Variants in PDGFRL observed in about 807,000 individuals in gnomAD.
PDGFRL encodes platelet derived growth factor receptor like.
PDGFRL carries 46 observed loss-of-function variants against 37.2 expected under a neutral mutation model. The ratio of observed to expected loss-of-function variants is 1.24; its 90% CI spans 0.98 to 1.58. The LOEUF is 1.58. Among genes scored for constraint, PDGFRL ranks in the 40% most tolerant of loss-of-function variants. The pLI is 0.00. For missense variants in PDGFRL, 692 were observed against 467.6 expected, an observed-to-expected ratio of 1.48 and a Z score of -4.43; for synonymous variants, 251 against 184.3, an observed-to-expected ratio of 1.36 and a Z score of -2.93.
chr8:17,597,604 T>A (rs773083977), intron 2 of PDGFRL, among the ~76,000 whole-genome samples: 9 of 152,172 alleles, frequency 5.9e-5, no homozygotes, highest in Non-Finnish European at 1.0e-4. Flanking sequence ...AATACTTCAA[T>A]GAATTGATGT....
intron 2 of PDGFRL, among the ~76,000 whole-genome samples, chr8:17,591,153 A>G (rs986412169): frequency 7.9e-5 from 12 of 152,144 alleles, no homozygotes; most frequent in African/African-American, 2.7e-4. Context: ...AAGTGCTGGG[A>G]TTACAGGCGT....
At chr8:17,626,539 T>A (rs879917528) in intron 3 of PDGFRL, among the ~76,000 whole-genome samples, 1 of 152,026 alleles carries the variant, frequency 6.6e-6, no homozygotes, top group Non-Finnish European at 1.5e-5. Context: ...TAAAACACCA[T>A]CTAACTGTGA....
chr8:17,588,901 C>T (rs950338727), intron 1 of PDGFRL, among the ~76,000 whole-genome samples: 1 of 152,056 alleles, frequency 6.6e-6, no homozygotes, highest in African/African-American at 2.4e-5. Context: ...TTTTTGTTTT[C>T]TAAGGGCAAA....
intron 2 of PDGFRL, among the ~76,000 whole-genome samples, chr8:17,617,463 G>T (rs773963036): frequency 6.6e-6 from 1 of 152,164 alleles, no homozygotes; most frequent in Non-Finnish European, 1.5e-5. Flanking sequence ...CACTGGCTCT[G>T]AAGGGCTCAG....
intron 2 of PDGFRL, among the ~76,000 whole-genome samples, chr8:17,620,818 A>T (rs545596255): frequency 6.6e-6 from 1 of 151,862 alleles, no homozygotes; most frequent in South Asian, 2.1e-4. Context: ...TTAAAAGGTA[A>T]AAATGTCATT....
chr8:17,622,614 G>C (rs567152949), intron 3 of PDGFRL, among the ~76,000 whole-genome samples: 2 of 152,274 alleles, frequency 1.3e-5, no homozygotes, highest in African/African-American at 4.8e-5. Flanking sequence ...TTACTCCTTA[G>C]TTCAGAGATC....
chr8:17,618,879 T>A (rs542475618), intron 2 of PDGFRL, among the ~76,000 whole-genome samples: 21 of 150,604 alleles, frequency 1.4e-4, no homozygotes, highest in African/African-American at 4.4e-4. Flanking sequence ...AAGTCAATTA[T>A]GTCAGGCAAA....
chr8:17,627,985 C>CTTT lies in PDGFRL; in HGVS notation c.506-501_506-499dup, dbSNP rs1236164534. Among the ~76,000 whole-genome samples, 252 of 123,948 alleles carry CTTT rather than the reference C, an allele frequency of 2.0e-3. 8 individuals are homozygous for CTTT. Among genetic ancestry groups the CTTT allele is most frequent in the African/African-American group, 4.2e-3 (125 of 29,486 alleles). 81.3% of individuals were successfully genotyped at this position (123,948 alleles called of 152,430 possible). The stretch of plus-strand genomic sequence containing the variant: ...TACTGATACCTTTTCTGTTTTCTTT[C>CTTT]TTTCTTTTTTTTTTTTTTTTTTTTT... On this transcript the variant is annotated intron_variant, in intron 3 of 5. Coordinates refer to ENST00000251630, the MANE Select transcript of PDGFRL (RefSeq NM_001372073.1).
At chr8:17,615,820 G>T (rs1194202715) in intron 2 of PDGFRL, among the ~76,000 whole-genome samples, 2 of 152,148 alleles carry the variant, frequency 1.3e-5, no homozygotes, top group Non-Finnish European at 2.9e-5. Flanking sequence ...AAGGTGGGAG[G>T]ATCCCTTAAG....
chr8:17,628,991 C>T (rs868840775), intron 4 of PDGFRL, among the ~76,000 whole-genome samples: 24 of 151,890 alleles, frequency 1.6e-4, no homozygotes, highest in African/African-American at 3.4e-4. Flanking sequence ...ACCATTTTCT[C>T]ACTGCAGCAT....
intron 2 of PDGFRL, among the ~76,000 whole-genome samples, chr8:17,619,033 G>A (rs540733233): frequency 2.0e-5 from 3 of 152,238 alleles, no homozygotes; most frequent in African/African-American, 4.8e-5. Context: ...AAGCTATTCC[G>A]CAGTGAACCA....
intron 4 of PDGFRL, among the ~76,000 whole-genome samples, chr8:17,632,521 G>A (rs1370906229): frequency 2.0e-5 from 3 of 152,110 alleles, no homozygotes; most frequent in East Asian, 1.9e-4. Flanking sequence ...ACTTTTAGTA[G>A]AGATGGGGTT....
At chr8:17,628,339 A>C in intron 3 of PDGFRL, 148 bp from the exon 4 acceptor site, 1 of 636,378 alleles carries the variant, frequency 1.6e-6, no homozygotes, top group Non-Finnish European at 2.8e-6. Flanking sequence ...TTCTTCCAAA[A>C]AATGAAAAGC....
chr8:17,627,364 C>T (rs1353992748), intron 3 of PDGFRL, among the ~76,000 whole-genome samples: 2 of 152,078 alleles, frequency 1.3e-5, no homozygotes, highest in Non-Finnish European at 2.9e-5. Flanking sequence ...ATACGTGTGT[C>T]ATCTACATGA....
intron 2 of PDGFRL, among the ~76,000 whole-genome samples, chr8:17,605,085 C>G (rs1455181113): frequency 1.3e-5 from 2 of 152,002 alleles, no homozygotes; most frequent in Non-Finnish European, 2.9e-5. Context: ...CCACTGCGCT[C>G]CAGCTTGGGC....
At chr8:17,591,881 G>A (rs989815603) in intron 2 of PDGFRL, among the ~76,000 whole-genome samples, 1 of 152,122 alleles carries the variant, frequency 6.6e-6, no homozygotes, top group Non-Finnish European at 1.5e-5. Context: ...AGGCCACTGT[G>A]CTCCAGCCTA....
chr8:17,587,406 T>C (rs1158353232), intron 1 of PDGFRL, among the ~76,000 whole-genome samples: 1 of 152,206 alleles, frequency 6.6e-6, no homozygotes, highest in Non-Finnish European at 1.5e-5. Flanking sequence ...TTGTCATTTC[T>C]GGTAGCTTGA....
intron 1 of PDGFRL, among the ~76,000 whole-genome samples, chr8:17,582,984 G>A (rs1252782199): frequency 1.3e-5 from 2 of 152,148 alleles, no homozygotes; most frequent in African/African-American, 4.8e-5. Flanking sequence ...GGTCCCAGGT[G>A]TGGTTCCAGA....
At chr8:17,618,505 G>T (rs139632747) in intron 2 of PDGFRL, among the ~76,000 whole-genome samples, 1 of 152,192 alleles carries the variant, frequency 6.6e-6, no homozygotes, top group East Asian at 1.9e-4. Context: ...CATTGCACAA[G>T]GGGCTTTGTA....
Sources: gnomAD v4.1 joint callset for allele counts (sites outside exome capture counted in the v4.1 genomes callset) on GRCh38, gnomAD v4.1.1 for gene constraint, MANE v1.5 for transcripts, NCBI Gene and HGNC (gene_info 2026-07-23, HGNC 2026-07-21) for gene names.